Variants in DPH7 observed in about 807,000 individuals in gnomAD.
The protein encoded by DPH7 is diphthamide biosynthesis 7.
DPH7 carries 44 observed loss-of-function variants against 41.7 expected under a neutral mutation model. That is an observed-to-expected ratio of 1.05 (90% confidence interval 0.83 to 1.36). The LOEUF (loss-of-function observed/expected upper bound fraction) is 1.36. DPH7 is among the 40% of genes most tolerant of loss of function. The pLI is 0.00. For synonymous variants in DPH7, 275 were observed against 238.0 expected (o/e 1.16, Z -1.43); for missense variants, 629 against 577.5 (o/e 1.09, Z -0.91).
At chr9:137,578,381 T>C (rs918216539) in intron 1 of DPH7, 6 of 373,802 alleles carry the variant, frequency 1.6e-5, no homozygotes, top group African/African-American at 1.3e-4. Context: ...TTAGCCAGGA[T>C]GGTCTCGATC....
intron 7 of DPH7, 89 bp from the exon 8 acceptor site, chr9:137,564,695 G>C (rs1264301747): frequency 1.3e-6 from 2 of 1,538,438 alleles, no homozygotes; most frequent in Non-Finnish European, 1.8e-6. Context: ...ACGTCTCCCA[G>C]AGACCTGTCC....
Position 137,569,374 on chromosome 9 carries a change from TCCACCAC to T in DPH7, c.641-4227_641-4221del, listed in dbSNP as rs373375627. Among the ~76,000 whole-genome samples the T allele has an allele frequency of 9.7e-3, 1,012 of 104,032 alleles. 21 individuals carry two copies. The highest frequency in any genetic ancestry group is 0.035 in the African/African-American group (924 of 26,156). The allele number at this position is 104,032 out of a possible 152,430, so 68.2% of individuals were successfully genotyped here. A position where few individuals can be genotyped will look rare whatever the true frequency, so the allele number is the denominator to read the frequency against. ...TATCCATCCAACAATCCACCATCCA[TCCACCAC>T]CCACCACCCACCACCCACCATCCAA... is the stretch of plus-strand genomic sequence containing the variant. On this transcript the variant is annotated intron_variant, in intron 5 of 8. Transcript: ENST00000277540.
In DPH7 at chr9:137,573,836, G is replaced by A. The variant is rs1215580917; in HGVS notation, c.640+372C>T. ...TAATCCCAACACTTTGGGAGGCTGA[G>A]GTGGGCGCATCATGAGGTCAGGAGA... is the stretch of plus-strand genomic sequence containing the variant. On this transcript the variant is annotated intron_variant, in intron 5 of 8. Transcript: ENST00000277540. 3.9e-5 allele frequency among the ~76,000 whole-genome samples: 6 copies of A among 152,254 alleles called. No homozygotes were observed. The East Asian group carries it at 1.2e-3, about 29-fold the overall frequency.
intron 5 of DPH7, among the ~76,000 whole-genome samples, chr9:137,571,093 G>T (rs543036307): frequency 6.6e-6 from 1 of 152,252 alleles, no homozygotes; most frequent in East Asian, 1.9e-4. Context: ...GGGAGGTTAA[G>T]GCTGCCGTGA....
rs754254763 is a variant in DPH7 at position 137,577,572 on chromosome 9, C to G, written c.185G>C (p.Arg62Pro). 6 of 1,613,992 alleles carry G rather than the reference C, an allele frequency of 3.7e-6. No individual in the cohort carries two copies. The highest frequency in any genetic ancestry group is 5.1e-6 in the Non-Finnish European group (6 of 1,179,972). Residue 62 changes from arginine to proline, a missense_variant, in exon 2 of 9, where the codon CGT (arginine) becomes CCT (proline). By Grantham distance (103) the Arg-to-Pro change is moderately radical (BLOSUM62 -2). Coordinates refer to ENST00000277540, the MANE Select transcript of DPH7 (RefSeq NM_138778.5). Reference protein sequence around the residue: ...GGMEVKEPQVRLGRLFLYSFN... With the variant: ...GGMEVKEPQVPLGRLFLYSFN... The stretch of plus-strand genomic sequence containing the variant: ...ACTGTACAGGAAGAGACGGCCTAAA[C>G]GGACCTGAGGCTCCTTAACTTCCAT...
At chr9:137,571,763 G>C (rs546983089) in intron 5 of DPH7, among the ~76,000 whole-genome samples, 8 of 152,162 alleles carry the variant, frequency 5.3e-5, no homozygotes, top group African/African-American at 1.9e-4. Flanking sequence ...CCTCCAGCCT[G>C]GGCAATAAGA....
intron 8 of DPH7, among the ~76,000 whole-genome samples, chr9:137,560,947 G>C (rs908398353): frequency 1.3e-5 from 2 of 150,644 alleles, no homozygotes; most frequent in African/African-American, 4.9e-5. Context: ...GCTTGAACCC[G>C]GGAGGTGGAG....
rs869251490 is a variant in DPH7, at chr9:137,561,021, C to CAA, written c.949+3411_949+3412dup. On this transcript the variant is annotated intron_variant, in intron 8 of 8. Coordinates refer to ENST00000277540, the MANE Select transcript of DPH7 (RefSeq NM_138778.5). ...AGGGCAACAGAGCAAGACCCCATCT[C>CAA]AAAAAAAAAAAAAAAAAAAAGAAAA... Among the ~76,000 whole-genome samples, 239 of 80,628 alleles carry CAA rather than the reference C, an allele frequency of 3.0e-3. 1 individual carries two copies. Among genetic ancestry groups the CAA allele is most frequent in the African/African-American group, 4.6e-3 (98 of 21,408 alleles). The allele number at this position is 80,628 out of a possible 152,430, so 52.9% of individuals were successfully genotyped here.
At chr9:137,573,053 T>C (rs1346168836) in intron 5 of DPH7, among the ~76,000 whole-genome samples, 2 of 152,196 alleles carry the variant, frequency 1.3e-5, no homozygotes, top group Admixed American at 6.5e-5. Context: ...TGAGGCAAGC[T>C]ATACTTTGCT....
At chr9:137,573,037 A>G (rs968479889) in intron 5 of DPH7, among the ~76,000 whole-genome samples, 4 of 152,172 alleles carry the variant, frequency 2.6e-5, no homozygotes, top group Admixed American at 6.5e-5. Context: ...AAGACCCTGC[A>G]CTGCCTGAGG....
At chr9:137,578,004 A>G (rs1841727958) in intron 1 of DPH7, 1 of 985,324 alleles carries the variant, frequency 1.0e-6, no homozygotes, top group Non-Finnish European at 1.2e-6. Flanking sequence ...ACCTGTATAT[A>G]GAAGACGTTC....
chr9:137,561,049 A>C (rs998198256), intron 8 of DPH7, among the ~76,000 whole-genome samples: 1 of 151,788 alleles, frequency 6.6e-6, no homozygotes, highest in Non-Finnish European at 1.5e-5. Flanking sequence ...AAAGAAAAAA[A>C]GAAAATCACC....
chr9:137,577,913 T>A (rs1564475753), intron 1 of DPH7: 2 of 963,740 alleles, frequency 2.1e-6, no homozygotes, highest in East Asian at 2.3e-4. Context: ...CCAATTTGGA[T>A]CCTAATATGT....
At position 137,554,916 on chromosome 9, in the gene DPH7, C is replaced by CTTCAT. The variant is rs1837204229; in HGVS notation, c.*318_*322dup. Reference sequence around the variant, plus strand: ...TTATAAACTCGTGTTTTTCAAAAAACTTCATTTAATACAAATAGTTGCTTA... The same window carrying CTTCAT: ...TTATAAACTCGTGTTTTTCAAAAAACTTCATTTCATTTAATACAAATAGTTGCTTA... On this transcript the variant is annotated 3_prime_UTR_variant, in exon 9 of 9. Transcript: ENST00000277540. The CTTCAT allele has an allele frequency of 7.7e-6, 2 of 261,144 alleles. No homozygotes were observed. Among genetic ancestry groups the CTTCAT allele is most frequent in the Non-Finnish European group, 1.4e-5 (2 of 139,552 alleles). 16.2% of individuals were successfully genotyped at this position (261,144 alleles called of 1,614,324 possible). A position where few individuals can be genotyped will look rare whatever the true frequency, so the allele number is the denominator to read the frequency against.
rs1038838353 is a variant in DPH7 at position 137,554,956 on chromosome 9, G to C, written c.*283C>G. The stretch of plus-strand genomic sequence containing the variant: ...ATAGTTGCTTAAACAAGTATGAAAG[G>C]CTGAAAGTCAAAATCTGCCTGAGAA... On this transcript the variant is annotated 3_prime_UTR_variant, in exon 9 of 9. Coordinates refer to ENST00000277540, the MANE Select transcript of DPH7 (RefSeq NM_138778.5). 11 of 371,682 alleles carry C rather than the reference G, an allele frequency of 3.0e-5. No homozygotes were observed. The highest frequency in any genetic ancestry group is 4.8e-5 in the Non-Finnish European group (10 of 209,010). 23.0% of individuals were successfully genotyped at this position (371,682 alleles called of 1,614,324 possible).
chr9:137,574,882 C>G (rs374411571), intron 3 of DPH7, 39 bp from the exon 4 acceptor site: 2 of 1,609,858 alleles, frequency 1.2e-6, no homozygotes, highest in Admixed American at 3.4e-5. Context: ...GGGAAGTAGC[C>G]GCCCCAGAAC....
intron 3 of DPH7, 73 bp downstream of exon 3, chr9:137,576,007 T>C: frequency 1.2e-6 from 2 of 1,600,382 alleles, no homozygotes. Flanking sequence ...AATGTCTGTA[T>C]CAGCACAGCC....
chr9:137,578,743 G>A lies in DPH7; in HGVS notation c.35C>T (p.Thr12Ile). 1.3e-6 allele frequency: 2 copies of A among 1,523,952 alleles called. No individual in the cohort carries two copies. The highest frequency in any genetic ancestry group is 2.7e-5 in the East Asian group (1 of 37,314). The allele number at this position is 1,523,952 out of a possible 1,614,324, so 94.4% of individuals were successfully genotyped here. Reference sequence around the variant, plus strand: ...CTCCACCGAGTCCGCGGTCAGCTCGGTGTCCACCGTTTGCAGGGCGAAACA... The same window carrying A: ...CTCCACCGAGTCCGCGGTCAGCTCGATGTCCACCGTTTGCAGGGCGAAACA... ...MGCFALQTVD[T>I]ELTADSVEWC... is the part of the protein sequence containing the mutation. The change falls in exon 1 of 9, where the codon ACC (threonine) becomes ATC (isoleucine). Residue 12 changes from threonine (T) to isoleucine (I), a missense_variant. Coordinates refer to ENST00000277540, the MANE Select transcript of DPH7 (RefSeq NM_138778.5).
chr9:137,578,725 G>A lies in DPH7; in HGVS notation c.53C>T (p.Ser18Leu). Reference protein sequence around the residue: ...QTVDTELTADSVEWCPLQGCR... With the variant: ...QTVDTELTADLVEWCPLQGCR... Reference sequence around the variant, plus strand: ...GCCTTGCAGCGGGCACCACTCCACCGAGTCCGCGGTCAGCTCGGTGTCCAC... The same window carrying A: ...GCCTTGCAGCGGGCACCACTCCACCAAGTCCGCGGTCAGCTCGGTGTCCAC... Residue 18 changes from serine (S) to leucine (L), a missense_variant, in exon 1 of 9, where the codon TCG becomes TTG. Coordinates refer to ENST00000277540, the MANE Select transcript of DPH7 (RefSeq NM_138778.5). 6.5e-7 allele frequency: 1 copy of A among 1,529,964 alleles called. No homozygotes were observed. The highest frequency in any genetic ancestry group is 1.2e-5 in the South Asian group (1 of 82,008). 94.8% of individuals were successfully genotyped at this position (1,529,964 alleles called of 1,614,324 possible). A position where few individuals can be genotyped will look rare whatever the true frequency, so the allele number is the denominator to read the frequency against.
Sources: allele counts gnomAD v4.1 joint callset (sites outside exome capture counted in the v4.1 genomes callset), GRCh38; gene constraint gnomAD v4.1.1; transcripts MANE v1.5; gene names NCBI Gene and HGNC (gene_info 2026-07-23, HGNC 2026-07-21).